The following ADGRL2 variants were observed in gnomAD, a reference collection of about 807,000 sequenced individuals.
The protein encoded by ADGRL2 is adhesion G protein-coupled receptor L2.
ADGRL2 carries 44 observed loss-of-function variants against 157.4 expected under a neutral mutation model. That is an observed-to-expected ratio of 0.28 (90% CI 0.22 to 0.36). ADGRL2 has a LOEUF of 0.36. ADGRL2 is among the 10% of genes least tolerant of loss of function. The pLI, the probability that ADGRL2 is intolerant of heterozygous loss-of-function variation, is 1.00. For synonymous variants in ADGRL2, 585 were observed against 624.7 expected (o/e 0.94, Z 0.95); for missense variants, 1,510 against 1,768.9 (o/e 0.85, Z 2.63).
At chr1:81,315,478 T>C (rs1660042106) in intron 1 of ADGRL2, among the ~76,000 whole-genome samples, 1 of 152,144 alleles carries the variant, frequency 6.6e-6, no homozygotes, top group South Asian at 2.1e-4. Flanking sequence ...ATAATGACAA[T>C]TTTATCTCCA....
chr1:81,497,553 T>A (rs1423448694), intron 2 of ADGRL2, among the ~76,000 whole-genome samples: 1 of 152,228 alleles, frequency 6.6e-6, no homozygotes, highest in Non-Finnish European at 1.5e-5. Context: ...TAGTTATAGA[T>A]TCTTAACCTA....
intron 1 of ADGRL2, among the ~76,000 whole-genome samples, chr1:81,368,923 C>T (rs972260827): frequency 1.3e-5 from 2 of 152,148 alleles, no homozygotes; most frequent in African/African-American, 4.8e-5. Context: ...ATAAAATCTC[C>T]TCTATAACCA....
At chr1:81,537,460 T>A (rs914676012) in intron 2 of ADGRL2, among the ~76,000 whole-genome samples, 4 of 151,792 alleles carry the variant, frequency 2.6e-5, no homozygotes, top group Admixed American at 1.3e-4. Context: ...ATTTTGTATT[T>A]TTTTTAGTAG....
intron 2 of ADGRL2, among the ~76,000 whole-genome samples, chr1:81,464,832 T>G (rs997587662): frequency 2.0e-5 from 3 of 152,008 alleles, no homozygotes; most frequent in Non-Finnish European, 4.4e-5. Context: ...GTAAATAGTT[T>G]CTTTTGCAAT....
At chr1:81,966,731 C>T (rs2149283344) in intron 13 of ADGRL2, 122 bp downstream of exon 13, 3 of 784,356 alleles carry the variant, frequency 3.8e-6, no homozygotes, top group East Asian at 2.4e-5. Flanking sequence ...AAGACAAGAC[C>T]TTTCCATTTG....
intron 3 of ADGRL2, among the ~76,000 whole-genome samples, chr1:81,631,379 G>A (rs543099944): frequency 6.6e-6 from 1 of 152,122 alleles, no homozygotes; most frequent in Non-Finnish European, 1.5e-5. Context: ...ACCACACCCG[G>A]TTAAGTTTGG....
intron 1 of ADGRL2, among the ~76,000 whole-genome samples, chr1:81,403,278 T>C (rs1019005539): frequency 1.3e-5 from 2 of 151,964 alleles, no homozygotes; most frequent in Non-Finnish European, 2.9e-5. Flanking sequence ...TTGTTTTTTG[T>C]TTTTGAGACA....
intron 4 of ADGRL2, among the ~76,000 whole-genome samples, chr1:81,937,773 A>AT (rs1309061281): frequency 3.9e-5 from 6 of 151,910 alleles, no homozygotes; most frequent in East Asian, 1.9e-4. Flanking sequence ...TTAAAAAAAA[A>AT]GGATTTGCCA....
chr1:81,835,641 T>C (rs374286945), intron 1 of ADGRL2, among the ~76,000 whole-genome samples: 14 of 152,072 alleles, frequency 9.2e-5, no homozygotes, highest in East Asian at 3.9e-4. Flanking sequence ...TTTGTTTCTT[T>C]GGACAGATAA....
At chr1:81,462,275 G>A (rs1264882336) in intron 2 of ADGRL2, among the ~76,000 whole-genome samples, 1 of 152,180 alleles carries the variant, frequency 6.6e-6, no homozygotes, top group Non-Finnish European at 1.5e-5. Flanking sequence ...ATAAGAGCTG[G>A]CCACCCCAGC....
chr1:81,461,611 C>A (rs565954707), intron 2 of ADGRL2, among the ~76,000 whole-genome samples: 1 of 152,038 alleles, frequency 6.6e-6, no homozygotes, highest in Non-Finnish European at 1.5e-5. Flanking sequence ...AACACTTTTC[C>A]CCCCTTAGGC....
In ADGRL2 at chr1:81,467,163, C is replaced by T. The variant is rs183271889; in HGVS notation, c.-248+22074C>T. 1.2e-3 allele frequency among the ~76,000 whole-genome samples: 180 copies of T among 152,218 alleles called. 1 individual carries two copies. The highest frequency in any genetic ancestry group is 4.2e-3 in the African/African-American group (175 of 41,544). Reference sequence around the variant, plus strand: ...CCTGAGGCTACGATACTTTATGGCCCTTGCTGTATATACACATCATAACTG... The same window carrying T: ...CCTGAGGCTACGATACTTTATGGCCTTTGCTGTATATACACATCATAACTG... On this transcript the variant is annotated intron_variant, in intron 2 of 24. Coordinates refer to the ADGRL2 transcript ENST00000370721.
At chr1:81,428,537 A>ATAGCAAGTATGAAACT (rs2077261189) in intron 1 of ADGRL2, among the ~76,000 whole-genome samples, 2 of 152,198 alleles carry the variant, frequency 1.3e-5, no homozygotes, top group Non-Finnish European at 2.9e-5. Context: ...TGAAACTCAA[A>ATAGCAAGTATGAAACT]CAAGGGTCAG....
rs954479661 is a variant in ADGRL2, at chr1:81,993,423, A to C, written c.*2278A>C. Among the ~76,000 whole-genome samples, 3 of 151,922 alleles carry C rather than the reference A, an allele frequency of 2.0e-5. No homozygotes were observed. The highest frequency in any genetic ancestry group is 1.3e-4 in the Admixed American group (2 of 15,228). On this transcript the variant is annotated 3_prime_UTR_variant, in exon 24 of 24. Coordinates refer to ENST00000686636, the MANE Select transcript of ADGRL2 (RefSeq NM_001366006.2). ...CTAGAGTCAGGCTGGTTCAGTAATA[A>C]ATTTTTTTAAAGGCAACACTGATTA...
At chr1:81,569,664 G>A (rs902821342) in intron 2 of ADGRL2, among the ~76,000 whole-genome samples, 3 of 152,164 alleles carry the variant, frequency 2.0e-5, no homozygotes, top group Admixed American at 1.3e-4. Context: ...GAAAAACTTA[G>A]CCAGGCATGG....
At chr1:81,405,666 T>A (rs887586290) in intron 1 of ADGRL2, among the ~76,000 whole-genome samples, 1 of 151,024 alleles carries the variant, frequency 6.6e-6, no homozygotes, top group Non-Finnish European at 1.5e-5. Context: ...AGAAAAATAC[T>A]ATTTCATATA....
At chr1:81,823,561 A>T (rs553440903) in intron 1 of ADGRL2, among the ~76,000 whole-genome samples, 3 of 152,172 alleles carry the variant, frequency 2.0e-5, no homozygotes, top group Admixed American at 1.3e-4. Context: ...GCCATCTTTC[A>T]TCATAACTGT....
intron 1 of ADGRL2, among the ~76,000 whole-genome samples, chr1:81,421,626 G>A (rs933372436): frequency 2.0e-5 from 3 of 152,024 alleles, no homozygotes; most frequent in African/African-American, 7.2e-5. Flanking sequence ...GAGCTATCAT[G>A]ACAGTGTCAT....
intron 1 of ADGRL2, among the ~76,000 whole-genome samples, chr1:81,363,126 A>G (rs1216185755): frequency 6.6e-6 from 1 of 152,110 alleles, no homozygotes; most frequent in Non-Finnish European, 1.5e-5. Context: ...AAATCATTTC[A>G]GTATTTGGAT....
Sources: allele counts gnomAD v4.1 joint callset (sites outside exome capture counted in the v4.1 genomes callset), GRCh38; gene constraint gnomAD v4.1.1; transcripts MANE v1.5; gene names NCBI Gene and HGNC (gene_info 2026-07-23, HGNC 2026-07-21).